The following KIAA0513 variants were observed in gnomAD, a reference collection of about 807,000 sequenced individuals.
KIAA0513 encodes the protein KIAA0513.
A neutral mutation model predicts 56.5 loss-of-function variants in KIAA0513; 39 were observed. That is an observed-to-expected ratio of 0.69 (90% CI 0.53 to 0.90). The LOEUF is 0.90. KIAA0513 is among the 40% of genes least tolerant of loss of function. The pLI, the probability that KIAA0513 is intolerant of heterozygous loss-of-function variation, is 0.00. For missense variants in KIAA0513, 591 were observed against 535.2 expected, an observed-to-expected ratio of 1.10 and a Z score of -1.03; for synonymous variants, 268 against 215.6, an observed-to-expected ratio of 1.24 and a Z score of -2.13.
intron 1 of KIAA0513, among the ~76,000 whole-genome samples, chr16:85,060,542 T>A (rs549787217): frequency 6.6e-6 from 1 of 152,074 alleles, no homozygotes; most frequent in South Asian, 2.1e-4. Context: ...CACCTTACAG[T>A]TGAAATGAAG....
Position 85,088,435 on chromosome 16 carries a change from G to A in KIAA0513, c.*110G>A. 4 of 858,776 alleles carry A rather than the reference G, an allele frequency of 4.7e-6. No individual in the cohort carries two copies. The Admixed American group carries it at 7.8e-5, about 17-fold the overall frequency. The allele number at this position is 858,776 out of a possible 1,614,324, so 53.2% of individuals were successfully genotyped here. Reference sequence around the variant, plus strand: ...ACCTGCATGAAGCCAGCAGCACCCAGAGCCACTCCTGCTGCCCTAGAACTA... The same window carrying A: ...ACCTGCATGAAGCCAGCAGCACCCAAAGCCACTCCTGCTGCCCTAGAACTA... On this transcript the variant is annotated 3_prime_UTR_variant, in exon 13 of 13. Transcript: ENST00000683363.
At chr16:85,070,498 T>A (rs1160164599) in intron 2 of KIAA0513, among the ~76,000 whole-genome samples, 1 of 152,154 alleles carries the variant, frequency 6.6e-6, no homozygotes, top group Non-Finnish European at 1.5e-5. Context: ...GCCAACATGA[T>A]GAAACCCCGT....
chr16:85,043,915 C>G (rs932108063), intron 1 of KIAA0513, among the ~76,000 whole-genome samples: 4 of 152,126 alleles, frequency 2.6e-5, no homozygotes, highest in African/African-American at 9.7e-5. Flanking sequence ...GCCTGTAATC[C>G]CAGCTACTCG....
chr16:85,057,285 A>G (rs548327884), intron 1 of KIAA0513, among the ~76,000 whole-genome samples: 5 of 152,358 alleles, frequency 3.3e-5, no homozygotes, highest in African/African-American at 7.2e-5. Context: ...GTAAATGATC[A>G]TATAGTTTTT....
At chr16:85,060,598 G>A (rs62049887) in intron 1 of KIAA0513, among the ~76,000 whole-genome samples, 12,714 of 152,154 alleles carry the variant, frequency 0.084, 1,699 homozygotes, top group African/African-American at 0.28. Context: ...CAGCACTTTG[G>A]GAGGCCAAGT....
At chr16:85,079,173 A>G in intron 8 of KIAA0513, 170 bp downstream of exon 8, 2 of 1,380,750 alleles carry the variant, frequency 1.4e-6, no homozygotes, top group South Asian at 1.4e-5. Context: ...GAGGATGTGG[A>G]GAAACTGGAG....
intron 1 of KIAA0513, among the ~76,000 whole-genome samples, chr16:85,030,061 C>A (rs537346807): frequency 2.0e-5 from 3 of 152,248 alleles, no homozygotes; most frequent in Non-Finnish European, 4.4e-5. Context: ...ACGAGGGGTC[C>A]CCAGAGGCTT....
rs922835340 is a variant in KIAA0513, at chr16:85,086,713, C to T, written c.1080C>T (p.Phe360=). ...TCCGGTTCAACGAGAACATCACCTT[C>T]GGGCAGCTGGGGTAAGGGCCAGAGT... The part of the protein sequence containing the change: ...DSLRFNENIT[F]GQLGTFTHNM... The change falls in exon 11 of 13, where the codon TTC becomes TTT. Residue 360 remains phenylalanine, a synonymous_variant. Transcript: ENST00000683363. The T allele has an allele frequency of 1.9e-5, 30 of 1,613,004 alleles. No individual in the cohort carries two copies. The highest frequency in any genetic ancestry group is 2.4e-5 in the Non-Finnish European group (28 of 1,179,778).
intron 1 of KIAA0513, among the ~76,000 whole-genome samples, chr16:85,056,593 T>G (rs1462378294): frequency 6.6e-6 from 1 of 152,282 alleles, no homozygotes; most frequent in African/African-American, 2.4e-5. Flanking sequence ...GAGAATCTCC[T>G]TGCCATTGGG....
chr16:85,059,407 T>C (rs2073372912), intron 1 of KIAA0513, among the ~76,000 whole-genome samples: 1 of 152,208 alleles, frequency 6.6e-6, no homozygotes, highest in Admixed American at 6.5e-5. Flanking sequence ...GTGCCTCATG[T>C]AGTGAGGATT....
intron 1 of KIAA0513, among the ~76,000 whole-genome samples, chr16:85,050,343 A>ATTT (rs1567527327): frequency 9.4e-6 from 1 of 106,016 alleles, no homozygotes. Flanking sequence ...TTATTTATTT[A>ATTT]TTTATTTATT....
In KIAA0513 at chr16:85,082,569, A is replaced by T; in HGVS notation, c.986A>T (p.Asp329Val). 6.2e-7 allele frequency: 1 copy of T among 1,613,874 alleles called. No homozygotes were observed. Among genetic ancestry groups the T allele is most frequent in the Non-Finnish European group, 8.5e-7 (1 of 1,179,918 alleles). ...TGTTTCTGCTGCCGCTCCAGAGGGG[A>T]TGCTGGAGAGGAGGAGGAGAAGAGG... ...RTKRSPTTRG[D>V]AGEEEEKREK... Residue 329 changes from aspartate to valine, a missense_variant, in exon 10 of 13, where the codon GAT becomes GTT. By Grantham distance (152) the Asp-to-Val change is radical. Coordinates refer to ENST00000683363, the MANE Select transcript of KIAA0513 (RefSeq NM_001388359.1).
In KIAA0513 at chr16:85,076,038, C is replaced by G; in HGVS notation, c.574+124C>G. ...TGGGGCCTCCAGAGAACAGAGGAAG[C>G]TGATGTTAGGGAGGAGTGAGACTTC... On this transcript the variant is annotated intron_variant, in intron 5 of 12. Coordinates refer to ENST00000683363, the MANE Select transcript of KIAA0513 (RefSeq NM_001388359.1). This position sits in a 1 kb window ranked among gnomAD's most constrained non-coding sequence, Gnocchi z 4.7. The G allele has an allele frequency of 4.2e-6, 3 of 707,092 alleles. No individual in the cohort carries two copies. The allele number at this position is 707,092 out of a possible 1,614,324, so 43.8% of individuals were successfully genotyped here. A position where few individuals can be genotyped will look rare whatever the true frequency, so the allele number is the denominator to read the frequency against.
chr16:85,044,507 TTTA>T (rs2073144977), intron 1 of KIAA0513, among the ~76,000 whole-genome samples: 1 of 143,694 alleles, frequency 7.0e-6, no homozygotes, highest in African/African-American at 2.9e-5. Flanking sequence ...CCTTTTTATT[TTTA>T]TTTTTTTTTT....
At chr16:85,052,122 C>T (rs962178544) in intron 1 of KIAA0513, among the ~76,000 whole-genome samples, 1 of 152,076 alleles carries the variant, frequency 6.6e-6, no homozygotes, top group Non-Finnish European at 1.5e-5. Context: ...CAGATCGAGA[C>T]CGTCCTGGCC....
At chr16:85,066,564 C>G (rs1358408388) in intron 1 of KIAA0513, among the ~76,000 whole-genome samples, 1 of 152,138 alleles carries the variant, frequency 6.6e-6, no homozygotes, top group African/African-American at 2.4e-5. Flanking sequence ...TGGATTGTCC[C>G]TGGTGATCCT....
chr16:85,046,246 G>A (rs1217835896), intron 1 of KIAA0513, among the ~76,000 whole-genome samples: 1 of 152,178 alleles, frequency 6.6e-6, no homozygotes, highest in Non-Finnish European at 1.5e-5. Context: ...TTCACACATG[G>A]CTATTCTCTT....
At chr16:85,079,079 C>T in intron 8 of KIAA0513, 76 bp downstream of exon 8, 12 of 1,609,998 alleles carry the variant, frequency 7.5e-6, no homozygotes, top group Non-Finnish European at 8.5e-6. Flanking sequence ...TCACTTCTAG[C>T]TGCCTTTGTC....
At position 85,067,037 on chromosome 16, in the gene KIAA0513, C is replaced by G. The variant is rs1289800016; in HGVS notation, c.-35C>G. 6.0e-6 allele frequency: 9 copies of G among 1,510,354 alleles called. No individual in the cohort carries two copies. Among genetic ancestry groups the G allele is most frequent in the Non-Finnish European group, 8.0e-6 (9 of 1,130,478 alleles). 93.6% of individuals were successfully genotyped at this position (1,510,354 alleles called of 1,614,324 possible). On this transcript the variant is annotated 5_prime_UTR_variant, in exon 2 of 13. Transcript: ENST00000683363. ...CTGGGCTCCCCTCTAGGCAGCCTCC[C>G]CTCCAGGCAGCCTCACCAGCAGCTC... is the stretch of plus-strand genomic sequence containing the variant.
Sources: allele counts gnomAD v4.1 joint callset (sites outside exome capture counted in the v4.1 genomes callset), GRCh38; gene constraint gnomAD v4.1.1; non-coding constraint Gnocchi (gnomAD v3.1); transcripts MANE v1.5; gene names NCBI Gene and HGNC (gene_info 2026-07-23, HGNC 2026-07-21).